Variants in CHN1 observed in about 807,000 individuals in gnomAD.
The protein encoded by CHN1 is N-chimaerin.
A neutral mutation model predicts 59.5 loss-of-function variants in CHN1; 37 were observed. The observed-to-expected ratio is 0.62, with a 90% CI of 0.48 to 0.82. CHN1 has a LOEUF of 0.82. Ranked by LOEUF, CHN1 falls within the 40% of genes least tolerant of loss-of-function variation. The probability of loss-of-function intolerance (pLI) is 0.00; values close to 1 mark genes in which losing one functional copy is unlikely to be tolerated. For synonymous variants in CHN1, 206 were observed against 200.4 expected (o/e 1.03, Z -0.24); for missense variants, 469 against 571.0 (o/e 0.82, Z 1.82).
At chr2:174,832,027 C>T (rs1332757615) in intron 7 of CHN1, among the ~76,000 whole-genome samples, 1 of 152,140 alleles carries the variant, frequency 6.6e-6, no homozygotes, top group Non-Finnish European at 1.5e-5. Context: ...TCAGACCAGT[C>T]TACAATGTCT....
chr2:174,997,119 C>A (rs1301297013), intron 1 of CHN1, among the ~76,000 whole-genome samples: 2 of 152,192 alleles, frequency 1.3e-5, no homozygotes, highest in Non-Finnish European at 2.9e-5. Flanking sequence ...ACATATTAGG[C>A]ACTCACTAAA....
intron 4 of CHN1, 50 bp from the exon 5 acceptor site, chr2:174,915,221 A>C (rs750219111): frequency 9.0e-6 from 12 of 1,339,534 alleles, no homozygotes; most frequent in Non-Finnish European, 1.3e-5. Context: ...TTTTTCAATA[A>C]AACAAGATAA....
Position 175,005,008 on chromosome 2 carries a change from A to T in CHN1, c.-96T>A. ...CCCGCCGCACCCACACCTCGGAGAG[A>T]GTGGGGTGCCCGATGGGGCGTGCTG... On this transcript the variant is annotated 5_prime_UTR_variant, in exon 1 of 13. Transcript: ENST00000409900. 7 of 1,467,960 alleles carry T rather than the reference A, an allele frequency of 4.8e-6. No individual in the cohort carries two copies. The highest frequency in any genetic ancestry group is 2.8e-5 in the East Asian group (1 of 35,134). The allele number at this position is 1,467,960 out of a possible 1,614,324, so 90.9% of individuals were successfully genotyped here. A position where few individuals can be genotyped will look rare whatever the true frequency, so the allele number is the denominator to read the frequency against.
chr2:174,911,557 A>AG lies in CHN1; in HGVS notation c.260+3500dup, dbSNP rs199658454. Among the ~76,000 whole-genome samples, 1,246 of 152,348 alleles carry AG rather than the reference A, an allele frequency of 8.2e-3. 11 individuals are homozygous for AG. The highest frequency in any genetic ancestry group is 0.022 in the South Asian group (108 of 4,832). ...TAGGTAGAAAAGCCAGACAAGGCTC[A>AG]GCCTAAAATTTAGGCTGAGATGGGG... On this transcript the variant is annotated intron_variant, in intron 5 of 12. Coordinates refer to ENST00000409900, the MANE Select transcript of CHN1 (RefSeq NM_001822.7).
chr2:174,911,448 C>T (rs541213018), intron 5 of CHN1, among the ~76,000 whole-genome samples: 2 of 152,294 alleles, frequency 1.3e-5, no homozygotes, highest in African/African-American at 2.4e-5. Flanking sequence ...ACTCTGAACA[C>T]GCAAATGTCT....
intron 4 of CHN1, among the ~76,000 whole-genome samples, chr2:174,915,978 C>T (rs1445566257): frequency 1.3e-5 from 2 of 152,164 alleles, no homozygotes; most frequent in Non-Finnish European, 2.9e-5. Flanking sequence ...CCAAAATATG[C>T]CACTTTGCTG....
At chr2:174,817,748 C>A (rs1685326973) in intron 8 of CHN1, among the ~76,000 whole-genome samples, 1 of 150,938 alleles carries the variant, frequency 6.6e-6, no homozygotes, top group African/African-American at 2.4e-5. Context: ...TGCCATTCTT[C>A]TGCCTCAGTC....
chr2:174,982,209 T>C (rs376345660), intron 1 of CHN1, among the ~76,000 whole-genome samples: 2 of 152,348 alleles, frequency 1.3e-5, no homozygotes, highest in African/African-American at 4.8e-5. Flanking sequence ...GTTGGGCATT[T>C]GGGTTGGTTC....
intron 6 of CHN1, chr2:174,847,595 C>A (rs1198245734): frequency 2.3e-6 from 3 of 1,310,118 alleles, no homozygotes; most frequent in Non-Finnish European, 3.0e-6. Flanking sequence ...AAGCCCCTAG[C>A]AGGGAAGGTG....
intron 7 of CHN1, among the ~76,000 whole-genome samples, chr2:174,834,443 A>T (rs1685999020): frequency 6.6e-6 from 1 of 152,224 alleles, no homozygotes; most frequent in Non-Finnish European, 1.5e-5. Context: ...TTGTAGTACC[A>T]GTCTCCTAGG....
intron 7 of CHN1, among the ~76,000 whole-genome samples, chr2:174,837,723 G>A (rs529483605): frequency 6.6e-6 from 1 of 152,196 alleles, no homozygotes; most frequent in South Asian, 2.1e-4. Context: ...TTAGTATGTT[G>A]CTTGTCAAAA....
chr2:174,880,515 C>T (rs1476035139), intron 5 of CHN1, among the ~76,000 whole-genome samples: 3 of 152,074 alleles, frequency 2.0e-5, no homozygotes, highest in South Asian at 4.1e-4. Context: ...AATGGATGTG[C>T]CCATTCTACA....
chr2:174,926,643 C>A (rs1443377196), intron 3 of CHN1, among the ~76,000 whole-genome samples: 8 of 152,122 alleles, frequency 5.3e-5, no homozygotes, highest in Non-Finnish European at 1.2e-4. Context: ...ATTCACTGAG[C>A]TAGACAAAGG....
In CHN1 at chr2:174,850,108, C is replaced by T. The variant is rs551955957; in HGVS notation, c.550-3151G>A. ...GGCTCAATTCAAACACCCCCTCCTA[C>T]GTGATGGCTTTGATAATCTGCACCA... On this transcript the variant is annotated intron_variant, in intron 6 of 12. Transcript: ENST00000409900. Among the ~76,000 whole-genome samples, 11 of 152,276 alleles carry T rather than the reference C, an allele frequency of 7.2e-5. No individual in the cohort carries two copies. In the East Asian group the frequency reaches 7.7e-4, roughly 11 times the overall value.
chr2:174,833,678 CTTTT>C (rs913491136), intron 7 of CHN1, among the ~76,000 whole-genome samples: 11 of 152,004 alleles, frequency 7.2e-5, no homozygotes, highest in South Asian at 2.1e-4. Flanking sequence ...TCCTTTATTC[CTTTT>C]TTTATGTTTT....
intron 1 of CHN1, among the ~76,000 whole-genome samples, chr2:174,984,706 A>G (rs1298492126): frequency 6.6e-6 from 1 of 152,194 alleles, no homozygotes; most frequent in Non-Finnish European, 1.5e-5. Flanking sequence ...TGTGCAAAAT[A>G]GTATCACATA....
intron 5 of CHN1, among the ~76,000 whole-genome samples, chr2:174,913,790 T>A (rs1009296357): frequency 4.6e-5 from 7 of 152,214 alleles, no homozygotes; most frequent in Non-Finnish European, 8.8e-5. Context: ...CACACAGGTA[T>A]AAGTGATTGG....
chr2:174,849,621 T>C (rs901274392), intron 6 of CHN1, among the ~76,000 whole-genome samples: 7 of 152,206 alleles, frequency 4.6e-5, no homozygotes, highest in African/African-American at 7.2e-5. Flanking sequence ...GCTTACAATA[T>C]CTAGTAGATA....
intron 8 of CHN1, 53 bp downstream of exon 8, chr2:174,824,381 C>A (rs1685611485): frequency 9.4e-6 from 13 of 1,386,384 alleles, no homozygotes; most frequent in Non-Finnish European, 1.2e-5. Context: ...TTCTACCTCA[C>A]CTCTTATAAC....
Sources: gnomAD v4.1 joint callset for allele counts (sites outside exome capture counted in the v4.1 genomes callset) on GRCh38, gnomAD v4.1.1 for gene constraint, MANE v1.5 for transcripts, NCBI Gene and HGNC (gene_info 2026-07-23, HGNC 2026-07-21) for gene names.